Variants in PPARGC1A observed in about 807,000 individuals in gnomAD.
The protein encoded by PPARGC1A is peroxisome proliferator-activated receptor gamma coactivator 1-alpha.
Under a neutral mutation model 88.7 loss-of-function variants are expected in PPARGC1A, and 25 were observed. The ratio of observed to expected loss-of-function variants is 0.28; its 90% CI spans 0.21 to 0.39. The LOEUF is 0.39. Ranked by LOEUF, PPARGC1A falls within the 10% of genes least tolerant of loss-of-function variation. The pLI is 1.00. For missense variants in PPARGC1A, 880 were observed against 968.7 expected (o/e 0.91, Z 1.22); for synonymous variants, 363 against 355.6 (o/e 1.02, Z -0.24).
chr4:23,957,886 A>AAAACC, the PPARGC1A span, among the ~76,000 whole-genome samples: 1 of 152,124 alleles, frequency 6.6e-6, no homozygotes, highest in East Asian at 1.9e-4. Context: ...AAACATGAGG[A>AAAACC]AAACCTGGAA....
At chr4:24,279,367 T>C in the PPARGC1A span, among the ~76,000 whole-genome samples, 9 of 152,200 alleles carry the variant, frequency 5.9e-5, no homozygotes, top group Non-Finnish European at 1.0e-4. Context: ...ACCTATTAAC[T>C]GATCTTTGTA....
chr4:24,010,567 A>T, the PPARGC1A span, among the ~76,000 whole-genome samples: 2 of 152,218 alleles, frequency 1.3e-5, no homozygotes, highest in Non-Finnish European at 2.9e-5. Context: ...CAGACCAAAA[A>T]AAAAATCAAG....
the PPARGC1A span, among the ~76,000 whole-genome samples, chr4:24,342,188 A>G: frequency 6.6e-6 from 1 of 152,300 alleles, no homozygotes; most frequent in African/African-American, 2.4e-5. Context: ...CACTTGATAA[A>G]TACTTATTGA....
the PPARGC1A span, among the ~76,000 whole-genome samples, chr4:24,011,289 T>C: frequency 2.0e-5 from 3 of 152,204 alleles, no homozygotes; most frequent in African/African-American, 7.2e-5. Context: ...ATCAGCCATC[T>C]GTCCTTTTGC....
the PPARGC1A span, among the ~76,000 whole-genome samples, chr4:24,402,782 AC>A: frequency 6.6e-6 from 1 of 152,158 alleles, no homozygotes; most frequent in South Asian, 2.1e-4. Flanking sequence ...CTCACCAAGC[AC>A]CTTGAGGCTG....
At chr4:23,905,162 T>G (rs775694264), upstream of PPARGC1A, among the ~76,000 whole-genome samples, 1 of 152,144 alleles carries the variant, frequency 6.6e-6, no homozygotes, top group Non-Finnish European at 1.5e-5. Context: ...ATTCTGGCCA[T>G]AACTATTGAC....
chr4:24,074,554 G>A, the PPARGC1A span, among the ~76,000 whole-genome samples: 54 of 152,056 alleles, frequency 3.6e-4, no homozygotes, highest in African/African-American at 1.2e-3. Context: ...TTATTTCCTT[G>A]TTTATCTCAC....
At chr4:23,798,242 C>A (rs768418433) in intron 12 of PPARGC1A, among the ~76,000 whole-genome samples, 8 of 152,040 alleles carry the variant, frequency 5.3e-5, no homozygotes, top group Non-Finnish European at 1.2e-4. Flanking sequence ...CACATGGACA[C>A]GCATGAAAAT....
chr4:23,877,360 C>CAAAAAAA (rs551447166), intron 2 of PPARGC1A, among the ~76,000 whole-genome samples: 6 of 62,792 alleles, frequency 9.6e-5, no homozygotes, highest in Non-Finnish European at 1.7e-4. Context: ...ACTAAAAATA[C>CAAAAAAA]AAAAAAAAAA....
At chr4:24,248,402 G>T in the PPARGC1A span, among the ~76,000 whole-genome samples, 4 of 152,046 alleles carry the variant, frequency 2.6e-5, no homozygotes, top group Non-Finnish European at 5.9e-5. Context: ...TGGGATTACA[G>T]GCGTGAGAAC....
the PPARGC1A span, among the ~76,000 whole-genome samples, chr4:24,131,384 A>G: frequency 0.15 from 23,444 of 152,204 alleles, 2,337 homozygotes; most frequent in South Asian, 0.27. Flanking sequence ...ATGAGTGTCT[A>G]GAAAGGGCCA....
At chr4:24,438,378 G>A in the PPARGC1A span, among the ~76,000 whole-genome samples, 2 of 152,154 alleles carry the variant, frequency 1.3e-5, no homozygotes, top group Admixed American at 1.3e-4. Context: ...CTAGAGAAGA[G>A]AATACATTTC....
chr4:24,033,398 T>A, the PPARGC1A span, among the ~76,000 whole-genome samples: 22 of 125,058 alleles, frequency 1.8e-4, no homozygotes, highest in Non-Finnish European at 2.4e-4. Flanking sequence ...GATACATAGA[T>A]GTAGACAGAC....
At chr4:23,920,253 A>G in the PPARGC1A span, among the ~76,000 whole-genome samples, 2 of 152,222 alleles carry the variant, frequency 1.3e-5, no homozygotes, top group Non-Finnish European at 2.9e-5. Context: ...GGAAGCTTCT[A>G]CCGGTGGGAC....
chr4:24,457,615 G>A, the PPARGC1A span, among the ~76,000 whole-genome samples: 2 of 152,074 alleles, frequency 1.3e-5, no homozygotes, highest in African/African-American at 4.8e-5. Flanking sequence ...GCGCAAACTC[G>A]GGTCACTGCA....
At chr4:24,408,017 A>G in the PPARGC1A span, among the ~76,000 whole-genome samples, 1 of 152,180 alleles carries the variant, frequency 6.6e-6, no homozygotes. Context: ...AATATCACCA[A>G]AGAGAGACAA....
At chr4:24,192,246 T>C in the PPARGC1A span, among the ~76,000 whole-genome samples, 1 of 152,186 alleles carries the variant, frequency 6.6e-6, no homozygotes, top group African/African-American at 2.4e-5. Flanking sequence ...GACCAGTCTT[T>C]GGGCCTCCCT....
At chr4:24,018,743 A>G in the PPARGC1A span, among the ~76,000 whole-genome samples, 1 of 148,000 alleles carries the variant, frequency 6.8e-6, no homozygotes, top group African/African-American at 2.5e-5. Flanking sequence ...CAAATCTCTG[A>G]TAAAGCCTTA....
chr4:23,943,920 T>C, the PPARGC1A span, among the ~76,000 whole-genome samples: 1 of 152,234 alleles, frequency 6.6e-6, no homozygotes, highest in East Asian at 1.9e-4. Context: ...AATACCTGAC[T>C]AGTGCTCCTC....
Sources: allele counts gnomAD v4.1 joint callset (sites outside exome capture counted in the v4.1 genomes callset), GRCh38; gene constraint gnomAD v4.1.1; transcripts MANE v1.5; gene names NCBI Gene and HGNC (gene_info 2026-07-23, HGNC 2026-07-21).